YWHAE: variants seen among roughly 807,000 people sequenced by gnomAD.
YWHAE encodes the protein tyrosine 3-monooxygenase/tryptophan 5-monooxygenase activation protein epsilon.
Under a neutral mutation model 30.1 loss-of-function variants are expected in YWHAE, and 4 were observed. The observed-to-expected ratio is 0.13, with a 90% CI of 0.07 to 0.30. The LOEUF (loss-of-function observed/expected upper bound fraction) is 0.30, where lower values mean the gene tolerates loss of function less well. Ranked by LOEUF, YWHAE falls within the 10% of genes least tolerant of loss-of-function variation. The pLI, the probability that YWHAE is intolerant of heterozygous loss-of-function variation, is 1.00. For synonymous variants in YWHAE, 118 were observed against 111.8 expected, an observed-to-expected ratio of 1.06 and a Z score of -0.35; for missense variants, 121 against 315.9, an observed-to-expected ratio of 0.38 and a Z score of 4.68.
Position 1,354,305 on chromosome 17 carries a change from A to G in YWHAE, c.621T>C (p.Asp207=). The part of the protein sequence containing the change: ...AAFDDAIAEL[D]TLSEESYKDS... ...CCTTATAGCTTTCTTCACTCAGCGT[A>G]TCCAGTTCTGCAATTGCATCATCAA... The change falls in exon 5 of 6, where the codon GAT becomes GAC. Residue 207 remains aspartate, a synonymous_variant. Coordinates refer to ENST00000264335, the MANE Select transcript of YWHAE (RefSeq NM_006761.5). The G allele has an allele frequency of 6.2e-7, 1 of 1,614,156 alleles. No individual in the cohort carries two copies. Among genetic ancestry groups the G allele is most frequent in the Non-Finnish European group, 8.5e-7 (1 of 1,180,004 alleles).
chr17:1,399,846 T>C (rs372009665), intron 1 of YWHAE: 12 of 630,472 alleles, frequency 1.9e-5, no homozygotes, highest in African/African-American at 7.5e-5. Context: ...TGTTTGCAGT[T>C]AAGGACGGCG....
chr17:1,363,556 CG>C (rs1196331841), intron 2 of YWHAE, among the ~76,000 whole-genome samples: 1 of 152,150 alleles, frequency 6.6e-6, no homozygotes, highest in Non-Finnish European at 1.5e-5. Flanking sequence ...TGAGCCACCA[CG>C]GAAGGCCCCA....
In YWHAE at chr17:1,356,238, G is replaced by A. The variant is rs189285376; in HGVS notation, c.579-1891C>T. ...CACAAAATTAGCCGGGCATGGTGGC[G>A]TATGCCTGTAATCCCAGCTACTCAG... On this transcript the variant is annotated intron_variant, in intron 4 of 5. Coordinates refer to ENST00000264335, the MANE Select transcript of YWHAE (RefSeq NM_006761.5). 5.3e-4 allele frequency among the ~76,000 whole-genome samples: 80 copies of A among 150,494 alleles called. 1 individual carries two copies. Among genetic ancestry groups the A allele is most frequent in the African/African-American group, 1.9e-3 (79 of 41,032 alleles).
At chr17:1,353,200 A>T (rs1042358978) in intron 5 of YWHAE, among the ~76,000 whole-genome samples, 1 of 152,132 alleles carries the variant, frequency 6.6e-6, no homozygotes, top group Non-Finnish European at 1.5e-5. Context: ...GCACTTTGGG[A>T]GGCCGAGGCG....
At chr17:1,372,006 T>G (rs2073050291) in intron 1 of YWHAE, among the ~76,000 whole-genome samples, 1 of 151,986 alleles carries the variant, frequency 6.6e-6, no homozygotes, top group African/African-American at 2.4e-5. Context: ...GCCCAGCTAA[T>G]TTTTTGTATT....
At chr17:1,371,023 TG>T (rs1458077295) in intron 1 of YWHAE, among the ~76,000 whole-genome samples, 1 of 151,778 alleles carries the variant, frequency 6.6e-6, no homozygotes, top group Non-Finnish European at 1.5e-5. Context: ...CAAAAAACAT[TG>T]CTCTCCTTAC....
rs1333499464 is a variant in YWHAE, at chr17:1,361,160, G to A, written c.510C>T (p.Arg170=). ...MTELPPTHPI[R]LGLALNFSVF... ...CGGAAAAATTGAGAGCAAGACCTAAGCGAATAGGATGCGTTGGTGGAAGTT... is the reference window on the plus strand; with the variant it reads ...CGGAAAAATTGAGAGCAAGACCTAAACGAATAGGATGCGTTGGTGGAAGTT... The change falls in exon 4 of 6, where the codon CGC becomes CGT. Residue 170 remains arginine (R), a synonymous_variant. Transcript: ENST00000264335. 3 of 1,614,100 alleles carry A rather than the reference G, an allele frequency of 1.9e-6. No individual in the cohort carries two copies. Among genetic ancestry groups the A allele is most frequent in the Non-Finnish European group, 2.5e-6 (3 of 1,180,022 alleles).
intron 1 of YWHAE, among the ~76,000 whole-genome samples, chr17:1,370,240 C>T (rs983788383): frequency 2.7e-5 from 4 of 150,266 alleles, no homozygotes; most frequent in East Asian, 2.0e-4. Flanking sequence ...CATTCTCCTG[C>T]CTCAGCCTCC....
chr17:1,388,110 T>G (rs1244129200), intron 1 of YWHAE, among the ~76,000 whole-genome samples: 1 of 45,506 alleles, frequency 2.2e-5, no homozygotes. Flanking sequence ...TGTTTTTTTT[T>G]TTGGTTGGTT....
chr17:1,361,464 C>T lies in YWHAE; in HGVS notation c.372-166G>A, dbSNP rs563197415. 2.9e-3 allele frequency among the ~76,000 whole-genome samples: 444 copies of T among 152,128 alleles called. 3 individuals are homozygous for T. The highest frequency in any genetic ancestry group is 9.9e-3 in the African/African-American group (411 of 41,520). On this transcript the variant is annotated intron_variant, in intron 3 of 5. Coordinates refer to ENST00000264335, the MANE Select transcript of YWHAE (RefSeq NM_006761.5). Reference sequence around the variant, plus strand: ...AAACACTCTCAGGAATAACTGGCTTCGTTTCATTTTTTTCCTTAGACATTT... The same window carrying T: ...AAACACTCTCAGGAATAACTGGCTTTGTTTCATTTTTTTCCTTAGACATTT...
intron 1 of YWHAE, among the ~76,000 whole-genome samples, chr17:1,366,218 A>C (rs2072939714): frequency 6.6e-6 from 1 of 151,342 alleles, no homozygotes; most frequent in Non-Finnish European, 1.5e-5. Context: ...CTCAAAAAAA[A>C]AAAAATAGAA....
intron 1 of YWHAE, among the ~76,000 whole-genome samples, chr17:1,376,117 A>G (rs2073117930): frequency 6.6e-6 from 1 of 152,338 alleles, no homozygotes; most frequent in South Asian, 2.1e-4. Context: ...AACTCAGGGA[A>G]TCTGACTTGA....
In YWHAE at chr17:1,353,040, A is replaced by C. The variant is rs571620844; in HGVS notation, c.715+1171T>G. 5.1e-3 allele frequency among the ~76,000 whole-genome samples: 781 copies of C among 152,326 alleles called. 1 individual carries two copies. The highest frequency in any genetic ancestry group is 8.5e-3 in the Non-Finnish European group (578 of 68,034). On this transcript the variant is annotated intron_variant, in intron 5 of 5. Transcript: ENST00000264335. The stretch of plus-strand genomic sequence containing the variant: ...AAAATTTCCTTTAAAATCAACAAAC[A>C]TAACAAATTTGGGCTCCTGTATTTA...
rs190224055 is a variant in YWHAE, at chr17:1,350,014, G to A, written c.715+4197C>T. Among the ~76,000 whole-genome samples the A allele has an allele frequency of 1.3e-3, 194 of 150,596 alleles. 2 individuals are homozygous for A. Among genetic ancestry groups the A allele is most frequent in the African/African-American group, 4.3e-3 (174 of 40,822 alleles). On this transcript the variant is annotated intron_variant, in intron 5 of 5. Coordinates refer to ENST00000264335, the MANE Select transcript of YWHAE (RefSeq NM_006761.5). Reference sequence around the variant, plus strand: ...GTTGCCCAGGCTGGAGTGCAACGGCGCGATCTCAGTTGATCACAACCTCCA... The same window carrying A: ...GTTGCCCAGGCTGGAGTGCAACGGCACGATCTCAGTTGATCACAACCTCCA...
chr17:1,354,569 C>T (rs2150841803), intron 4 of YWHAE, among the ~76,000 whole-genome samples: 1 of 152,246 alleles, frequency 6.6e-6, no homozygotes, highest in South Asian at 2.1e-4. Flanking sequence ...ATATACATAT[C>T]GACTAATAAA....
At chr17:1,379,205 G>T (rs1212842533) in intron 1 of YWHAE, among the ~76,000 whole-genome samples, 1 of 151,974 alleles carries the variant, frequency 6.6e-6, no homozygotes, top group East Asian at 1.9e-4. Flanking sequence ...ACACACTTCA[G>T]ATTTTACATG....
At chr17:1,346,234 G>C (rs1225007309) in intron 5 of YWHAE, among the ~76,000 whole-genome samples, 1 of 152,130 alleles carries the variant, frequency 6.6e-6, no homozygotes, top group African/African-American at 2.4e-5. Flanking sequence ...ATTGGTTGGA[G>C]GGTCATCTAC....
intron 1 of YWHAE, among the ~76,000 whole-genome samples, chr17:1,382,653 C>T (rs1567978907): frequency 6.6e-6 from 1 of 152,162 alleles, no homozygotes; most frequent in Non-Finnish European, 1.5e-5. Context: ...AGCCACCACG[C>T]CTGGCCAGTA....
intron 1 of YWHAE, among the ~76,000 whole-genome samples, chr17:1,374,247 G>C (rs144458120): frequency 0.012 from 1,756 of 151,824 alleles, 34 homozygotes; most frequent in African/African-American, 0.04. Flanking sequence ...GAACACGGGA[G>C]GCGGAGGTTG....
Sources: gnomAD v4.1 joint callset for allele counts (sites outside exome capture counted in the v4.1 genomes callset) on GRCh38, gnomAD v4.1.1 for gene constraint, MANE v1.5 for transcripts, NCBI Gene and HGNC (gene_info 2026-07-23, HGNC 2026-07-21) for gene names.